The following FAF1 variants were observed in gnomAD, a reference collection of about 807,000 sequenced individuals.
FAF1 encodes FAS-associated factor 1.
Under a neutral mutation model 92.5 loss-of-function variants are expected in FAF1, and 25 were observed. The observed-to-expected ratio is 0.27, with a 90% CI of 0.20 to 0.38. The LOEUF (loss-of-function observed/expected upper bound fraction) is 0.38. Among genes scored for constraint, FAF1 ranks in the 10% least tolerant of loss-of-function variants. The probability of loss-of-function intolerance (pLI) is 1.00; values close to 1 mark genes in which losing one functional copy is unlikely to be tolerated. For synonymous variants in FAF1, 234 were observed against 273.2 expected (o/e 0.86, Z 1.42); for missense variants, 636 against 793.3 (o/e 0.80, Z 2.38).
chr1:50,917,035 A>G (rs532186831), intron 1 of FAF1, among the ~76,000 whole-genome samples: 1 of 152,346 alleles, frequency 6.6e-6, no homozygotes, highest in East Asian at 1.9e-4. Context: ...CCCTAAGAGA[A>G]TCAGCTATCA....
chr1:50,491,293 C>G (rs555348825), intron 16 of FAF1, among the ~76,000 whole-genome samples: 1 of 152,206 alleles, frequency 6.6e-6, no homozygotes, highest in African/African-American at 2.4e-5. Context: ...TTAATCAACT[C>G]TACCACATTG....
At chr1:50,582,945 A>G (rs1651057353) in intron 11 of FAF1, among the ~76,000 whole-genome samples, 1 of 152,160 alleles carries the variant, frequency 6.6e-6, no homozygotes, top group Non-Finnish European at 1.5e-5. Flanking sequence ...TAAGTGCTAT[A>G]AAACCATGCC....
In FAF1 at chr1:50,800,603, T is replaced by G. The variant is rs74502293; in HGVS notation, c.161+1028A>C. Among the ~76,000 whole-genome samples the G allele has an allele frequency of 9.2e-4, 140 of 152,292 alleles. 1 individual carries two copies. Among genetic ancestry groups the G allele is most frequent in the African/African-American group, 3.1e-3 (128 of 41,558 alleles). On this transcript the variant is annotated intron_variant, in intron 3 of 18. Transcript: ENST00000396153. ...GAGAGGAACGGGGGTATAGGTCTAT[T>G]TTATCATTGCTTTCATCTAAAAACC...
chr1:50,783,149 A>G (rs1661240141), intron 4 of FAF1, among the ~76,000 whole-genome samples: 1 of 152,186 alleles, frequency 6.6e-6, no homozygotes. Context: ...ACAACCTACC[A>G]AGACTGAATC....
chr1:50,600,025 C>T (rs1362927827), intron 8 of FAF1, among the ~76,000 whole-genome samples: 1 of 152,094 alleles, frequency 6.6e-6, no homozygotes. Flanking sequence ...TTTCAGATTA[C>T]GGATACTCAA....
intron 3 of FAF1, among the ~76,000 whole-genome samples, chr1:50,799,896 T>A (rs1370176560): frequency 1.3e-5 from 2 of 152,330 alleles, no homozygotes. Flanking sequence ...CTCTTTTGTT[T>A]TCCTCTGGTC....
intron 8 of FAF1, among the ~76,000 whole-genome samples, chr1:50,645,714 T>C (rs2124261168): frequency 6.6e-6 from 1 of 152,010 alleles, no homozygotes; most frequent in East Asian, 1.9e-4. Context: ...TCCCAGCTAC[T>C]CTACTCGGGA....
chr1:50,906,987 G>C (rs1461017834), intron 1 of FAF1, among the ~76,000 whole-genome samples: 1 of 152,154 alleles, frequency 6.6e-6, no homozygotes, highest in Admixed American at 6.5e-5. Context: ...ACCAGTTTTT[G>C]TGCATTCAGT....
At chr1:50,555,168 A>G (rs1649508900) in intron 13 of FAF1, among the ~76,000 whole-genome samples, 1 of 151,910 alleles carries the variant, frequency 6.6e-6, no homozygotes, top group African/African-American at 2.4e-5. Flanking sequence ...GGCTGCAGTG[A>G]GTCAAGATCG....
chr1:50,452,063 G>C, intron 18 of FAF1: 1 of 1,333,698 alleles, frequency 7.5e-7, no homozygotes, highest in East Asian at 4.6e-5. Flanking sequence ...AGAATGGAAT[G>C]GGGAGGAAAA....
intron 13 of FAF1, among the ~76,000 whole-genome samples, chr1:50,562,368 A>C (rs1649960518): frequency 6.6e-6 from 1 of 152,180 alleles, no homozygotes. Context: ...AGAGGATTAT[A>C]TTAGCTAGCC....
At chr1:50,952,212 A>G (rs2124763589) in intron 1 of FAF1, among the ~76,000 whole-genome samples, 1 of 152,156 alleles carries the variant, frequency 6.6e-6, no homozygotes, top group Non-Finnish European at 1.5e-5. Context: ...TCCCTGCCTG[A>G]TTCTCCTGCC....
intron 1 of FAF1, among the ~76,000 whole-genome samples, chr1:50,901,799 A>G (rs1320353788): frequency 6.6e-6 from 1 of 152,190 alleles, no homozygotes; most frequent in African/African-American, 2.4e-5. Context: ...CAGGAGGCAG[A>G]GGCTGCAGTG....
In FAF1 at chr1:50,441,287, TTTA is replaced by T. The variant is rs1646163517; in HGVS notation, c.*150_*152del. ...GGATGGGAAATCTTAAGTAGCTATATTTATTATTACTTTTTCCAGCAATTTTGC... is the reference window on the plus strand; with the variant it reads ...GGATGGGAAATCTTAAGTAGCTATATTTATTACTTTTTCCAGCAATTTTGC... On this transcript the variant is annotated 3_prime_UTR_variant, in exon 19 of 19. Coordinates refer to ENST00000396153, the MANE Select transcript of FAF1 (RefSeq NM_007051.3). The T allele has an allele frequency of 5.6e-6, 3 of 537,794 alleles. No individual in the cohort carries two copies. Among genetic ancestry groups the T allele is most frequent in the Non-Finnish European group, 1.0e-5 (3 of 297,452 alleles). 33.3% of individuals were successfully genotyped at this position (537,794 alleles called of 1,614,324 possible).
chr1:50,759,441 G>A (rs1324976069), intron 4 of FAF1, among the ~76,000 whole-genome samples: 1 of 151,634 alleles, frequency 6.6e-6, no homozygotes, highest in African/African-American at 2.4e-5. Context: ...TGAGAATGAT[G>A]GTTTCCAATT....
chr1:50,510,333 G>C (rs1039765286), intron 15 of FAF1, among the ~76,000 whole-genome samples: 1 of 151,892 alleles, frequency 6.6e-6, no homozygotes, highest in African/African-American at 2.4e-5. Flanking sequence ...TCAATAACTA[G>C]ATGTGTGACT....
At chr1:50,925,344 C>A (rs547279952) in intron 1 of FAF1, among the ~76,000 whole-genome samples, 1 of 151,928 alleles carries the variant, frequency 6.6e-6, no homozygotes, top group Non-Finnish European at 1.5e-5. Context: ...GGCTTCTCCA[C>A]GGTAAAAGAA....
intron 1 of FAF1, among the ~76,000 whole-genome samples, chr1:50,924,992 TAACAA>T (rs1289327503): frequency 6.6e-6 from 1 of 151,894 alleles, no homozygotes; most frequent in African/African-American, 2.4e-5. Context: ...TCAAAAAACA[TAACAA>T]AACAAAACAG....
intron 6 of FAF1, among the ~76,000 whole-genome samples, chr1:50,713,495 A>G (rs1438060466): frequency 6.6e-6 from 1 of 152,136 alleles, no homozygotes; most frequent in Non-Finnish European, 1.5e-5. Flanking sequence ...GCTGGTCTCG[A>G]ACTCCTGATC....
Sources: allele counts gnomAD v4.1 joint callset (sites outside exome capture counted in the v4.1 genomes callset), GRCh38; gene constraint gnomAD v4.1.1; transcripts MANE v1.5; gene names NCBI Gene and HGNC (gene_info 2026-07-23, HGNC 2026-07-21).